The following UNC13B variants were observed in gnomAD, a reference collection of about 807,000 sequenced individuals.
UNC13B encodes protein unc-13 homolog B.
A neutral mutation model predicts 211.0 loss-of-function variants in UNC13B; 144 were observed. The ratio of observed to expected loss-of-function variants is 0.68; its 90% CI spans 0.60 to 0.78. UNC13B has a LOEUF of 0.78. UNC13B is among the 30% of genes least tolerant of loss of function. The pLI is 0.00. For missense variants in UNC13B, 1,777 were observed against 2,002.0 expected (o/e 0.89, Z 2.14); for synonymous variants, 709 against 725.8 (o/e 0.98, Z 0.37).
intron 7 of UNC13B, among the ~76,000 whole-genome samples, chr9:35,259,591 A>G (rs565560690): frequency 6.6e-6 from 1 of 152,214 alleles, no homozygotes; most frequent in African/African-American, 2.4e-5. Context: ...AATTTGATAA[A>G]TGATTGACTT....
rs557686087 is a variant in UNC13B, at chr9:35,268,538, G to A, written c.526+9488G>A. On this transcript the variant is annotated intron_variant, in intron 7 of 39. Transcript: ENST00000635942. ...GGAGGCTGAGGCAGAAGAATTGCTT[G>A]AACCCGTGAGACGGAGGTTGCGGTG... Among the ~76,000 whole-genome samples, 12 of 152,330 alleles carry A rather than the reference G, an allele frequency of 7.9e-5. No individual in the cohort carries two copies. The South Asian group carries it at 2.3e-3, about 29-fold the overall frequency.
At chr9:35,350,545 C>G (rs1172768327) in intron 11 of UNC13B, among the ~76,000 whole-genome samples, 1 of 152,146 alleles carries the variant, frequency 6.6e-6, no homozygotes, top group Non-Finnish European at 1.5e-5. Context: ...AGCTCAGGAG[C>G]ACCAAGCTAA....
At chr9:35,289,964 A>C (rs1460075479) in intron 7 of UNC13B, among the ~76,000 whole-genome samples, 1 of 152,148 alleles carries the variant, frequency 6.6e-6, no homozygotes, top group Non-Finnish European at 1.5e-5. Flanking sequence ...TGACAGAGTG[A>C]GACTCTGTCT....
intron 1 of UNC13B, among the ~76,000 whole-genome samples, chr9:35,170,754 G>A (rs1433236515): frequency 6.6e-6 from 1 of 152,142 alleles, no homozygotes; most frequent in Non-Finnish European, 1.5e-5. Flanking sequence ...TTATAGTCAT[G>A]AGCCACTGTG....
At chr9:35,264,186 G>A (rs1441373345) in intron 7 of UNC13B, among the ~76,000 whole-genome samples, 1 of 152,136 alleles carries the variant, frequency 6.6e-6, no homozygotes, top group East Asian at 1.9e-4. Context: ...ATTCTGGTGA[G>A]GGCTTAGAAA....
At chr9:35,297,561 T>TTTTGTTTTTTG (rs1587564967) in intron 8 of UNC13B, among the ~76,000 whole-genome samples, 2 of 128,164 alleles carry the variant, frequency 1.6e-5, no homozygotes, top group South Asian at 2.5e-4. Flanking sequence ...TTTTTTTTTT[T>TTTTGTTTTTTG]TTTTTTGAGA....
chr9:35,201,626 G>A (rs1273126372), intron 1 of UNC13B, among the ~76,000 whole-genome samples: 2 of 152,164 alleles, frequency 1.3e-5, no homozygotes, highest in Admixed American at 1.3e-4. Context: ...TTTGCATAGA[G>A]GTGTTTATAT....
In UNC13B at chr9:35,306,611, A is replaced by G. The variant is rs1435287931; in HGVS notation, c.7207A>G (p.Thr2403Ala). 2.5e-6 allele frequency: 1 copy of G among 399,040 alleles called. No homozygotes were observed. The highest frequency in any genetic ancestry group is 4.4e-6 in the Non-Finnish European group (1 of 226,060). 24.7% of individuals were successfully genotyped at this position (399,040 alleles called of 1,614,324 possible). ...TNCHQNEKFTTDPVNLPLEKA... is the reference protein window; with the variant it reads ...TNCHQNEKFTADPVNLPLEKA... ...CTGCCACCAAAATGAGAAATTTACT[A>G]CTGACCCAGTGAACTTGCCATTAGA... Residue 2403 changes from threonine to alanine, a missense_variant, in exon 9 of 40, where the codon ACT (threonine) becomes GCT (alanine). By Grantham distance (58) the Thr-to-Ala change is moderately conservative (BLOSUM62 0). Transcript: ENST00000635942.
chr9:35,221,240 G>A (rs189607105), intron 1 of UNC13B, among the ~76,000 whole-genome samples: 6 of 152,080 alleles, frequency 3.9e-5, no homozygotes, highest in Non-Finnish European at 8.8e-5. Context: ...AGCTGATTTT[G>A]TGTATTTTTG....
At chr9:35,187,391 AT>A (rs1214500049) in intron 1 of UNC13B, among the ~76,000 whole-genome samples, 2 of 152,246 alleles carry the variant, frequency 1.3e-5, no homozygotes, top group African/African-American at 4.8e-5. Context: ...TCACCACTTG[AT>A]TCACAGGAAT....
intron 12 of UNC13B, among the ~76,000 whole-genome samples, chr9:35,368,782 CCTT>C (rs1020774605): frequency 1.3e-5 from 2 of 151,294 alleles, no homozygotes; most frequent in Admixed American, 6.6e-5. Flanking sequence ...TGAGCTACCC[CCTT>C]CTTCTTTTAT....
intron 37 of UNC13B, chr9:35,401,850 A>G: frequency 1.8e-6 from 2 of 1,115,774 alleles, no homozygotes; most frequent in Non-Finnish European, 2.6e-6. Flanking sequence ...GAATATGTGT[A>G]GAGCTGCTTT....
At chr9:35,287,774 A>T (rs1327026004) in intron 7 of UNC13B, among the ~76,000 whole-genome samples, 2 of 152,186 alleles carry the variant, frequency 1.3e-5, no homozygotes, top group African/African-American at 4.8e-5. Context: ...CCCTGCCCTT[A>T]TTGGAACATA....
intron 11 of UNC13B, among the ~76,000 whole-genome samples, chr9:35,327,724 C>T (rs1831098973): frequency 6.6e-6 from 1 of 152,192 alleles, no homozygotes; most frequent in Non-Finnish European, 1.5e-5. Context: ...CTAGGCATCC[C>T]TCCAGTCAGG....
intron 1 of UNC13B, among the ~76,000 whole-genome samples, chr9:35,184,761 GAA>G (rs1822249357): frequency 9.8e-5 from 5 of 50,782 alleles, no homozygotes; most frequent in Admixed American, 2.2e-4. Flanking sequence ...AGAAAGAAAG[GAA>G]GGAAGGAAGG....
chr9:35,356,151 C>CTCCA, intron 11 of UNC13B, among the ~76,000 whole-genome samples: 1 of 152,310 alleles, frequency 6.6e-6, no homozygotes, highest in Middle Eastern at 3.4e-3. Flanking sequence ...GGACAGGGTG[C>CTCCA]TCCAGCACTC....
At chr9:35,241,647 T>G (rs1289419657) in intron 5 of UNC13B, among the ~76,000 whole-genome samples, 3 of 152,048 alleles carry the variant, frequency 2.0e-5, no homozygotes, top group South Asian at 2.1e-4. Flanking sequence ...ACACATTCCC[T>G]GTGCCTTGCT....
chr9:35,329,445 C>CTTCT (rs1831243065), intron 11 of UNC13B, among the ~76,000 whole-genome samples: 1 of 151,934 alleles, frequency 6.6e-6, no homozygotes, highest in Non-Finnish European at 1.5e-5. Flanking sequence ...AGAAATCAAC[C>CTTCT]TTCTTGGCAT....
chr9:35,375,970 ACT>A, intron 14 of UNC13B, 56 bp from the exon 15 acceptor site: 1 of 1,550,946 alleles, frequency 6.4e-7, no homozygotes. Flanking sequence ...ACAGAGCAAG[ACT>A]CTGTCTCAAA....
Sources: allele counts gnomAD v4.1 joint callset (sites outside exome capture counted in the v4.1 genomes callset), GRCh38; gene constraint gnomAD v4.1.1; transcripts MANE v1.5; gene names NCBI Gene and HGNC (gene_info 2026-07-23, HGNC 2026-07-21).